The following PM20D2 variants were observed in gnomAD, a reference collection of about 807,000 sequenced individuals.
The protein encoded by PM20D2 is peptidase M20 domain containing 2.
In PM20D2, 33 loss-of-function variants were observed where a neutral mutation model predicts 42.9. That is an observed-to-expected ratio of 0.77 (90% CI 0.58 to 1.03). PM20D2 has a LOEUF of 1.03. Ranked by LOEUF, PM20D2 falls within the 50% of genes least tolerant of loss-of-function variation. The probability of loss-of-function intolerance (pLI) is 0.00; values close to 1 mark genes in which losing one functional copy is unlikely to be tolerated. For missense variants in PM20D2, 548 were observed against 557.0 expected, an observed-to-expected ratio of 0.98 and a Z score of 0.16; for synonymous variants, 250 against 228.2, an observed-to-expected ratio of 1.10 and a Z score of -0.86.
At chr6:89,108,840 T>A in the PM20D2 span, among the ~76,000 whole-genome samples, 1 of 152,188 alleles carries the variant, frequency 6.6e-6, no homozygotes, top group African/African-American at 2.4e-5. Context: ...TGACTAAGGC[T>A]AGAGATGGGG....
upstream of PM20D2, among the ~76,000 whole-genome samples, chr6:89,142,688 C>T (rs546029533): frequency 4.9e-4 from 75 of 152,114 alleles, no homozygotes; most frequent in African/African-American, 1.7e-3. Flanking sequence ...GACGGAGTCT[C>T]GCTCTGTCAC....
intron 2 of PM20D2, among the ~76,000 whole-genome samples, chr6:89,150,527 ATC>A (rs1770794270): frequency 1.9e-5 from 2 of 104,370 alleles, no homozygotes; most frequent in East Asian, 2.6e-4. Context: ...CTCACTGATC[ATC>A]TCTTTTTTTT....
the PM20D2 span, among the ~76,000 whole-genome samples, chr6:89,132,390 TGGA>T: frequency 6.9e-6 from 1 of 145,858 alleles, no homozygotes; most frequent in East Asian, 1.9e-4. Flanking sequence ...GCAGTTCCTG[TGGA>T]GATCTCCTTT....
At chr6:89,097,605 C>T in the PM20D2 span, 5 of 151,980 alleles carry the variant, frequency 3.3e-5, no homozygotes, top group African/African-American at 4.8e-5. Context: ...CTGCCCGCCT[C>T]GACCTCCCAA....
the PM20D2 span, among the ~76,000 whole-genome samples, chr6:89,113,414 C>T: frequency 6.6e-6 from 1 of 152,060 alleles, no homozygotes; most frequent in East Asian, 1.9e-4. Flanking sequence ...CCTCGTGATC[C>T]GCCCACTTTG....
intron 5 of PM20D2, among the ~76,000 whole-genome samples, chr6:89,159,363 A>G (rs1346086124): frequency 6.6e-6 from 1 of 152,232 alleles, no homozygotes; most frequent in African/African-American, 2.4e-5. Context: ...GAAAACTTAC[A>G]GAAGAGAAGG....
the PM20D2 span, among the ~76,000 whole-genome samples, chr6:89,132,275 G>A: frequency 1.3e-5 from 2 of 152,162 alleles, no homozygotes; most frequent in African/African-American, 4.8e-5. Flanking sequence ...TCCTTCAGAA[G>A]AATGGGCCGT....
Position 89,148,450 on chromosome 6 carries a change from A to G in PM20D2, c.466-815A>G, listed in dbSNP as rs75724087. The G allele has an allele frequency of 3.5e-3, 2,407 of 683,688 alleles. 59 individuals carry two copies. In the African/African-American group the frequency reaches 0.045, roughly 13 times the overall value. 42.4% of individuals were successfully genotyped at this position (683,688 alleles called of 1,614,324 possible). A position where few individuals can be genotyped will look rare whatever the true frequency, so the allele number is the denominator to read the frequency against. On this transcript the variant is annotated intron_variant, in intron 1 of 6. Transcript: ENST00000275072. ...TATTAGTTGTTTATTTTGATTTTTA[A>G]AATTGTTTGAAGCAGTTAAGCTTAA...
At chr6:89,153,493 A>G (rs956740086) in intron 3 of PM20D2, among the ~76,000 whole-genome samples, 12 of 152,188 alleles carry the variant, frequency 7.9e-5, no homozygotes, top group African/African-American at 2.4e-4. Context: ...TTGATTTTCC[A>G]GTTGTCCTCA....
chr6:89,094,880 C>A, the PM20D2 span, among the ~76,000 whole-genome samples: 1 of 150,966 alleles, frequency 6.6e-6, no homozygotes, highest in Non-Finnish European at 1.5e-5. Context: ...GTAACTTGTC[C>A]AAGGTTGCAT....
the PM20D2 span, among the ~76,000 whole-genome samples, chr6:89,121,504 C>A: frequency 7.9e-5 from 12 of 152,126 alleles, no homozygotes; most frequent in African/African-American, 2.9e-4. Flanking sequence ...AGGGGAAAGG[C>A]TTAGGTCAAG....
rs145831661 is a variant in PM20D2 at position 89,158,982 on chromosome 6, C to A, written c.1048+522C>A. On this transcript the variant is annotated intron_variant, in intron 5 of 6. Coordinates refer to ENST00000275072, the MANE Select transcript of PM20D2 (RefSeq NM_001010853.3). ...AAAAATAGATGTTGTTGAAGTAGGC[C>A]CAAAAGGACTTGGTGGTGAAAATGG... Among the ~76,000 whole-genome samples, 570 of 151,616 alleles carry A rather than the reference C, an allele frequency of 3.8e-3. 8 individuals are homozygous for A. Among genetic ancestry groups the A allele is most frequent in the African/African-American group, 0.013 (535 of 41,346 alleles).
At chr6:89,102,248 A>T in the PM20D2 span, among the ~76,000 whole-genome samples, 1 of 152,138 alleles carries the variant, frequency 6.6e-6, no homozygotes, top group African/African-American at 2.4e-5. Context: ...GGTTCAAGCG[A>T]TTCTCCTGCC....
intron 2 of PM20D2, among the ~76,000 whole-genome samples, chr6:89,150,533 T>A: frequency 9.3e-6 from 1 of 107,212 alleles, no homozygotes; most frequent in African/African-American, 5.1e-5. Flanking sequence ...GATCATCTCT[T>A]TTTTTTTTTT....
upstream of PM20D2, among the ~76,000 whole-genome samples, chr6:89,143,515 A>G (rs1279754380): frequency 6.6e-6 from 1 of 152,208 alleles, no homozygotes; most frequent in Admixed American, 6.5e-5. Flanking sequence ...AGAGAGAACT[A>G]TCTGCACTCC....
chr6:89,118,329 G>C, the PM20D2 span, among the ~76,000 whole-genome samples: 1 of 152,188 alleles, frequency 6.6e-6, no homozygotes, highest in South Asian at 2.1e-4. Flanking sequence ...GCTGGGCGGA[G>C]GTGGGGTCAG....
At chr6:89,104,768 C>T in the PM20D2 span, among the ~76,000 whole-genome samples, 2 of 151,940 alleles carry the variant, frequency 1.3e-5, no homozygotes, top group African/African-American at 4.8e-5. Context: ...AAAATATTTT[C>T]CAGGCTGGGT....
the PM20D2 span, among the ~76,000 whole-genome samples, chr6:89,124,723 T>G: frequency 9.0e-6 from 1 of 111,302 alleles, no homozygotes; most frequent in Non-Finnish European, 1.9e-5. Flanking sequence ...TTGTTTTTGT[T>G]GTTGCTGTTG....
At chr6:89,145,090 G>A (rs1292084686), upstream of PM20D2, among the ~76,000 whole-genome samples, 1 of 152,052 alleles carries the variant, frequency 6.6e-6, no homozygotes, top group Non-Finnish European at 1.5e-5. Flanking sequence ...AAGGAAAGAT[G>A]ATAGGGTATG....
Sources: gnomAD v4.1 joint callset for allele counts (sites outside exome capture counted in the v4.1 genomes callset) on GRCh38, gnomAD v4.1.1 for gene constraint, MANE v1.5 for transcripts, NCBI Gene and HGNC (gene_info 2026-07-23, HGNC 2026-07-21) for gene names.